Variants in CNTN1 observed in about 807,000 individuals in gnomAD.
CNTN1 encodes contactin-1.
CNTN1 carries 38 observed loss-of-function variants against 126.4 expected under a neutral mutation model. That is an observed-to-expected ratio of 0.30 (90% CI 0.23 to 0.39). The LOEUF is 0.39. CNTN1 is among the 10% of genes least tolerant of loss of function. The pLI, the probability that CNTN1 is intolerant of heterozygous loss-of-function variation, is 1.00. For synonymous variants in CNTN1, 413 were observed against 422.6 expected (o/e 0.98, Z 0.28); for missense variants, 1,009 against 1,248.4 (o/e 0.81, Z 2.89).
Position 41,029,152 on chromosome 12 carries a change from A to G in CNTN1, c.2913A>G (p.Glu971=). ...AAGTCCCAATCCCCAGAGATGGAGA[A>G]TACGTTGTGGAGGTTCGCGCGCACA... The part of the protein sequence containing the change: ...SIEVPIPRDG[E]YVVEVRAHSD... The change falls in exon 23 of 24, where the codon GAA becomes GAG. Residue 971 remains glutamate, a synonymous_variant. Transcript: ENST00000551295. The G allele has an allele frequency of 6.2e-7, 1 of 1,614,140 alleles. No individual in the cohort carries two copies. Among genetic ancestry groups the G allele is most frequent in the Non-Finnish European group, 8.5e-7 (1 of 1,180,014 alleles).
chr12:40,761,215 T>C (rs1050431094), intron 1 of CNTN1, among the ~76,000 whole-genome samples: 1 of 152,124 alleles, frequency 6.6e-6, no homozygotes, highest in African/African-American at 2.4e-5. Flanking sequence ...TTCCAATTTT[T>C]AAATATTTTT....
At chr12:40,953,795 C>G (rs1299348128) in intron 14 of CNTN1, among the ~76,000 whole-genome samples, 2 of 151,790 alleles carry the variant, frequency 1.3e-5, no homozygotes, top group African/African-American at 4.8e-5. Context: ...GAAGAATGAC[C>G]ACATTATTCC....
rs1945470430 is a variant in CNTN1, at chr12:40,922,290, A to G, written c.262A>G (p.Ser88Gly). 2 of 1,613,978 alleles carry G rather than the reference A, an allele frequency of 1.2e-6. No homozygotes were observed. The highest frequency in any genetic ancestry group is 2.2e-5 in the South Asian group (2 of 91,082). ...RMNNGDVDLT[S>G]DRYSMVGGNL... ...GAATAATGGGGACGTTGATCTCACA[A>G]GTGATCGATACAGTATGGTAGGAGG... is the stretch of plus-strand genomic sequence containing the variant. The change falls in exon 5 of 24, where the codon AGT (serine) becomes GGT (glycine). Residue 88 changes from serine (S) to glycine (G), a missense_variant. Coordinates refer to ENST00000551295, the MANE Select transcript of CNTN1 (RefSeq NM_001843.4).
chr12:40,704,345 T>C (rs1360333561), intron 1 of CNTN1, among the ~76,000 whole-genome samples: 1 of 152,186 alleles, frequency 6.6e-6, no homozygotes, highest in African/African-American at 2.4e-5. Context: ...GGCAGGCCTA[T>C]ACTCTCCAAA....
chr12:40,719,493 C>T (rs1052572520), intron 1 of CNTN1, among the ~76,000 whole-genome samples: 11 of 152,188 alleles, frequency 7.2e-5, no homozygotes, highest in African/African-American at 2.4e-4. Context: ...AAAAGAGTTA[C>T]TAAATGTCAC....
At chr12:40,853,933 C>G (rs1942808481) in intron 1 of CNTN1, among the ~76,000 whole-genome samples, 1 of 150,794 alleles carries the variant, frequency 6.6e-6, no homozygotes, top group South Asian at 2.1e-4. Context: ...TTATGTATAC[C>G]TGCCTCGGAA....
At chr12:40,855,692 A>G (rs922288060) in intron 1 of CNTN1, among the ~76,000 whole-genome samples, 2 of 152,138 alleles carry the variant, frequency 1.3e-5, no homozygotes, top group Non-Finnish European at 2.9e-5. Context: ...AAAAATTGTT[A>G]CTGACAAAAG....
chr12:40,967,002 CT>C (rs1024262977), intron 15 of CNTN1, among the ~76,000 whole-genome samples: 7 of 151,888 alleles, frequency 4.6e-5, no homozygotes, highest in Non-Finnish European at 1.0e-4. Context: ...ACTGGAATTT[CT>C]TTTTTTGCTG....
At chr12:41,012,189 GA>G (rs2120711698) in intron 17 of CNTN1, among the ~76,000 whole-genome samples, 1 of 150,278 alleles carries the variant, frequency 6.7e-6, no homozygotes, top group East Asian at 1.9e-4. Flanking sequence ...GTGCTCTCCA[GA>G]TCAAGGGCAG....
intron 1 of CNTN1, among the ~76,000 whole-genome samples, chr12:40,876,873 T>G (rs1943686544): frequency 6.6e-6 from 1 of 152,248 alleles, no homozygotes; most frequent in South Asian, 2.1e-4. Flanking sequence ...TTTAATGAAT[T>G]CAATACATTC....
intron 1 of CNTN1, among the ~76,000 whole-genome samples, chr12:40,778,977 A>G (rs1005316651): frequency 6.6e-6 from 1 of 151,624 alleles, no homozygotes; most frequent in East Asian, 1.9e-4. Flanking sequence ...TTTCCTTTTC[A>G]TATGGAAAAA....
At chr12:40,989,449 C>G (rs1205179386) in intron 16 of CNTN1, among the ~76,000 whole-genome samples, 1 of 152,082 alleles carries the variant, frequency 6.6e-6, no homozygotes, top group Non-Finnish European at 1.5e-5. Flanking sequence ...GTACTATCTG[C>G]TTTAGACAGG....
chr12:40,991,551 C>T (rs930097237), intron 16 of CNTN1, among the ~76,000 whole-genome samples: 6 of 152,242 alleles, frequency 3.9e-5, no homozygotes, highest in South Asian at 4.1e-4. Context: ...CTACCTTGGC[C>T]GGGTATGGTG....
intron 1 of CNTN1, among the ~76,000 whole-genome samples, chr12:40,706,528 T>C (rs1941745787): frequency 6.6e-6 from 1 of 152,116 alleles, no homozygotes; most frequent in Non-Finnish European, 1.5e-5. Flanking sequence ...GAGTGGAGAA[T>C]ATGTCTTTTC....
chr12:40,805,187 T>C (rs116917493), intron 1 of CNTN1, among the ~76,000 whole-genome samples: 2,765 of 152,186 alleles, frequency 0.018, 44 homozygotes, highest in Non-Finnish European at 0.027. Flanking sequence ...TTCTTGGATA[T>C]GCGGTTTAGT....
At chr12:40,833,884 A>G (rs2136559675) in intron 1 of CNTN1, among the ~76,000 whole-genome samples, 1 of 152,350 alleles carries the variant, frequency 6.6e-6, no homozygotes, top group South Asian at 2.1e-4. Context: ...TGCTATCTTT[A>G]TACTTGAATA....
At chr12:40,883,938 A>G (rs989600142) in intron 1 of CNTN1, among the ~76,000 whole-genome samples, 1 of 151,640 alleles carries the variant, frequency 6.6e-6, no homozygotes, top group African/African-American at 2.4e-5. Context: ...AGTAATTTCT[A>G]TTAAAGTAAT....
At chr12:40,786,386 T>A (rs1185347133) in intron 1 of CNTN1, among the ~76,000 whole-genome samples, 1 of 152,148 alleles carries the variant, frequency 6.6e-6, no homozygotes, top group Admixed American at 6.6e-5. Flanking sequence ...GTGTTTCTGG[T>A]GATATGAAAT....
At chr12:40,766,352 G>T (rs1211686589) in intron 1 of CNTN1, among the ~76,000 whole-genome samples, 2 of 57,616 alleles carry the variant, frequency 3.5e-5, no homozygotes, top group East Asian at 5.6e-4. Context: ...ATGAAACTCC[G>T]TCTTAAAAAA....
Sources: gnomAD v4.1 joint callset for allele counts (sites outside exome capture counted in the v4.1 genomes callset) on GRCh38, gnomAD v4.1.1 for gene constraint, MANE v1.5 for transcripts, NCBI Gene and HGNC (gene_info 2026-07-23, HGNC 2026-07-21) for gene names.